ENTREP1: variants seen among roughly 807,000 people sequenced by gnomAD.
The protein encoded by ENTREP1 is Friedreich ataxia region gene X123.
At chr9:69,375,954 C>G in the ENTREP1 span, 1 of 1,400,128 alleles carries the variant, frequency 7.1e-7, no homozygotes, top group Non-Finnish European at 9.7e-7. Flanking sequence ...TGTTCTATTA[C>G]CTCCCTCAAA....
the ENTREP1 span, among the ~76,000 whole-genome samples, chr9:69,367,374 T>G: frequency 6.6e-6 from 1 of 151,654 alleles, no homozygotes; most frequent in East Asian, 1.9e-4. Context: ...TTAGGATTTT[T>G]TTTCTATTTC....
chr9:69,346,315 G>A, the ENTREP1 span, among the ~76,000 whole-genome samples: 1 of 152,138 alleles, frequency 6.6e-6, no homozygotes, highest in Admixed American at 6.5e-5. Context: ...TCTGGTTTTA[G>A]CATTCTTGGT....
At chr9:69,358,156 C>G in the ENTREP1 span, among the ~76,000 whole-genome samples, 4 of 152,108 alleles carry the variant, frequency 2.6e-5, no homozygotes, top group Admixed American at 2.0e-4. Flanking sequence ...GTTCTTCCAC[C>G]CACCTACCAT....
the ENTREP1 span, chr9:69,388,306 G>C: frequency 1.2e-6 from 2 of 1,614,220 alleles, no homozygotes; most frequent in Non-Finnish European, 8.5e-7. Flanking sequence ...TGGACACCAA[G>C]CTGCTGGTGG....
the ENTREP1 span, among the ~76,000 whole-genome samples, chr9:69,357,095 CAAAAAAA>C: frequency 1.8e-4 from 16 of 88,978 alleles, no homozygotes; most frequent in Admixed American, 2.6e-4. Context: ...ACCATCTCTA[CAAAAAAA>C]AAAAAAAAAA....
the ENTREP1 span, among the ~76,000 whole-genome samples, chr9:69,370,359 C>T: frequency 1.3e-5 from 2 of 152,142 alleles, no homozygotes; most frequent in East Asian, 3.9e-4. Flanking sequence ...TATGTATTCT[C>T]CTTTTCCAAG....
chr9:69,385,255 A>G, the ENTREP1 span, among the ~76,000 whole-genome samples: 1 of 152,192 alleles, frequency 6.6e-6, no homozygotes, highest in Non-Finnish European at 1.5e-5. Context: ...TTCTCGAATT[A>G]CAACTCAGGC....
the ENTREP1 span, chr9:69,325,484 G>A: frequency 1.6e-3 from 1,493 of 940,590 alleles, 14 homozygotes; most frequent in African/African-American, 0.025. Flanking sequence ...GCCTCGCTGC[G>A]CGGCCACCGC....
chr9:69,340,676 TGCATGC>T, the ENTREP1 span, among the ~76,000 whole-genome samples: 3 of 136,788 alleles, frequency 2.2e-5, no homozygotes, highest in African/African-American at 8.3e-5. Context: ...CGTGTGTGTG[TGCATGC>T]ATGTGTGTGT....
the ENTREP1 span, among the ~76,000 whole-genome samples, chr9:69,389,571 A>T: frequency 1.3e-5 from 2 of 152,246 alleles, no homozygotes; most frequent in South Asian, 4.2e-4. Context: ...CCAGTTACTA[A>T]CCTATGTAGG....
chr9:69,390,357 A>G, the ENTREP1 span, among the ~76,000 whole-genome samples: 1 of 152,220 alleles, frequency 6.6e-6, no homozygotes, highest in Non-Finnish European at 1.5e-5. Flanking sequence ...AGCTGCTGAC[A>G]GTATTATGGG....
At chr9:69,338,075 A>G in the ENTREP1 span, among the ~76,000 whole-genome samples, 4 of 152,240 alleles carry the variant, frequency 2.6e-5, no homozygotes, top group African/African-American at 9.6e-5. Flanking sequence ...ACAAGATGAC[A>G]TAGGCAACAT....
At chr9:69,325,326 T>G in the ENTREP1 span, 1 of 1,175,556 alleles carries the variant, frequency 8.5e-7, no homozygotes, top group Non-Finnish European at 1.1e-6. Context: ...CTGCCCGTGG[T>G]GCTCCCGGGC....
chr9:69,332,242 A>G, the ENTREP1 span, among the ~76,000 whole-genome samples: 1 of 152,234 alleles, frequency 6.6e-6, no homozygotes, highest in South Asian at 2.1e-4. Flanking sequence ...GAAGTTGAAT[A>G]AAAGTAGGTG....
the ENTREP1 span, among the ~76,000 whole-genome samples, chr9:69,346,287 A>G: frequency 1.3e-5 from 2 of 152,040 alleles, no homozygotes; most frequent in East Asian, 3.9e-4. Flanking sequence ...TTGGCCAGAA[A>G]TAACATTTTA....
At chr9:69,390,946 ATT>A in the ENTREP1 span, among the ~76,000 whole-genome samples, 410 of 133,498 alleles carry the variant, frequency 3.1e-3, no homozygotes, top group African/African-American at 6.7e-3. Flanking sequence ...CAGCTAATTA[ATT>A]TTTTTTTTTT....
chr9:69,325,799 C>G, the ENTREP1 span: 1 of 1,210,532 alleles, frequency 8.3e-7, no homozygotes, highest in East Asian at 3.3e-5. Flanking sequence ...CTCCATTGCC[C>G]CTTTGTTGGC....
chr9:69,377,829 A>G, the ENTREP1 span: 717 of 1,402,934 alleles, frequency 5.1e-4, 6 homozygotes, highest in African/African-American at 8.9e-3. Flanking sequence ...ACCACATGAG[A>G]TCTCACTTTT....
At chr9:69,369,588 G>T in the ENTREP1 span, among the ~76,000 whole-genome samples, 1 of 143,818 alleles carries the variant, frequency 7.0e-6, no homozygotes, top group Non-Finnish European at 1.5e-5. Flanking sequence ...GACCAGAGAT[G>T]ATGAGCTTTT....
Sources: gnomAD v4.1 joint callset for allele counts (sites outside exome capture counted in the v4.1 genomes callset) on GRCh38, gnomAD v4.1.1 for gene constraint, MANE v1.5 for transcripts, NCBI Gene and HGNC (gene_info 2026-07-23, HGNC 2026-07-21) for gene names.